Variants in GPC5 observed in about 807,000 individuals in gnomAD.
GPC5 encodes glypican 5.
GPC5 carries 47 observed loss-of-function variants against 53.9 expected under a neutral mutation model. The ratio of observed to expected loss-of-function variants is 0.87; its 90% CI spans 0.69 to 1.11. The LOEUF is 1.11. GPC5 is among the 50% of genes most tolerant of loss of function. GPC5 has a pLI of 0.00. For synonymous variants in GPC5, 286 were observed against 263.3 expected, an observed-to-expected ratio of 1.09 and a Z score of -0.84; for missense variants, 748 against 713.1, an observed-to-expected ratio of 1.05 and a Z score of -0.56.
intron 7 of GPC5, among the ~76,000 whole-genome samples, chr13:92,408,629 GACAC>G (rs35366487): frequency 4.7e-4 from 70 of 148,050 alleles, no homozygotes; most frequent in East Asian, 1.9e-3. Flanking sequence ...TATATATATA[GACAC>G]ACACACACAC....
rs151211061 is a variant in GPC5 at position 91,469,058 on chromosome 13, G to A, written c.325+20136G>A. The stretch of plus-strand genomic sequence containing the variant: ...ATGCCTGGCCAATTTTCTTTGTCTC[G>A]TCTTGTCTCTTGTCTCTTCTCTCTT... On this transcript the variant is annotated intron_variant, in intron 2 of 7. Coordinates refer to ENST00000377067, the MANE Select transcript of GPC5 (RefSeq NM_004466.6). Among the ~76,000 whole-genome samples the A allele has an allele frequency of 4.9e-3, 745 of 151,088 alleles. 3 individuals carry two copies. Among genetic ancestry groups the A allele is most frequent in the African/African-American group, 0.017 (702 of 41,220 alleles).
rs72644051 is a variant in GPC5 at position 91,792,767 on chromosome 13, G to A, written c.1280+36347G>A. 5.3e-3 allele frequency among the ~76,000 whole-genome samples: 806 copies of A among 152,208 alleles called. 3 individuals carry two copies. Among genetic ancestry groups the A allele is most frequent in the Middle Eastern group, 0.031 (9 of 294 alleles). ...AGTTTTTCTGCATTTCTTTGGCTTCGAATGAATTCTTCGATCAAAAGCAAT... is the reference window on the plus strand; with the variant it reads ...AGTTTTTCTGCATTTCTTTGGCTTCAAATGAATTCTTCGATCAAAAGCAAT... On this transcript the variant is annotated intron_variant, in intron 5 of 7. Coordinates refer to ENST00000377067, the MANE Select transcript of GPC5 (RefSeq NM_004466.6).
At chr13:92,630,722 TAGGAA>T (rs971008227) in intron 7 of GPC5, among the ~76,000 whole-genome samples, 3 of 152,158 alleles carry the variant, frequency 2.0e-5, no homozygotes, top group Non-Finnish European at 2.9e-5. Flanking sequence ...ATTCCATTAT[TAGGAA>T]TAATTTGAAT....
chr13:91,955,550 T>C (rs141526262), intron 6 of GPC5, among the ~76,000 whole-genome samples: 17 of 152,288 alleles, frequency 1.1e-4, no homozygotes, highest in Admixed American at 1.1e-3. Flanking sequence ...CTGGGATTTG[T>C]TGGGAGCCCA....
intron 1 of GPC5, among the ~76,000 whole-genome samples, chr13:91,412,699 A>G (rs1877899540): frequency 6.6e-6 from 1 of 152,228 alleles, no homozygotes; most frequent in Non-Finnish European, 1.5e-5. Flanking sequence ...CAAATATCTA[A>G]TGTTCCTGTG....
chr13:92,115,525 A>G (rs2041593391), intron 6 of GPC5, among the ~76,000 whole-genome samples: 3 of 151,956 alleles, frequency 2.0e-5, no homozygotes, highest in Non-Finnish European at 4.4e-5. Flanking sequence ...ACACCCTCAA[A>G]TTTTCCCTCA....
At chr13:91,584,771 G>C (rs1019554728) in intron 2 of GPC5, among the ~76,000 whole-genome samples, 4 of 151,916 alleles carry the variant, frequency 2.6e-5, no homozygotes, top group African/African-American at 4.8e-5. Flanking sequence ...GTAGAGACAG[G>C]GTTTCACAAT....
At chr13:91,465,568 A>G (rs1882183593) in intron 2 of GPC5, among the ~76,000 whole-genome samples, 1 of 152,134 alleles carries the variant, frequency 6.6e-6, no homozygotes, top group African/African-American at 2.4e-5. Flanking sequence ...TTCTCTGTAG[A>G]CTATAATATA....
At chr13:91,717,204 T>C (rs1470792424) in intron 3 of GPC5, among the ~76,000 whole-genome samples, 3 of 152,234 alleles carry the variant, frequency 2.0e-5, no homozygotes, top group African/African-American at 7.2e-5. Context: ...CCGGAGACTG[T>C]AACACAATTT....
chr13:92,047,821 A>AG (rs1211225837), intron 6 of GPC5, among the ~76,000 whole-genome samples: 9 of 150,302 alleles, frequency 6.0e-5, no homozygotes, highest in Admixed American at 2.7e-4. Flanking sequence ...AAAAAAAAAA[A>AG]AAAAAAGAAA....
intron 7 of GPC5, chr13:92,180,635 C>T: frequency 6.4e-6 from 1 of 155,774 alleles, no homozygotes; most frequent in Non-Finnish European, 1.4e-5. Flanking sequence ...AGAAAAAAAG[C>T]AGCCGTATGG....
intron 2 of GPC5, among the ~76,000 whole-genome samples, chr13:91,642,553 G>C: frequency 6.6e-6 from 1 of 152,032 alleles, no homozygotes; most frequent in Non-Finnish European, 1.5e-5. Flanking sequence ...ACCACAGAAA[G>C]GTCTATAAAG....
At chr13:92,110,589 A>C (rs954080255) in intron 6 of GPC5, among the ~76,000 whole-genome samples, 1 of 152,138 alleles carries the variant, frequency 6.6e-6, no homozygotes, top group Non-Finnish European at 1.5e-5. Flanking sequence ...GAAAATTGGT[A>C]CTTGCCATTT....
intron 2 of GPC5, among the ~76,000 whole-genome samples, chr13:91,613,202 C>T (rs2033605380): frequency 6.6e-6 from 1 of 152,116 alleles, no homozygotes. Context: ...TAAACACATC[C>T]CGGCAATTTA....
intron 2 of GPC5, among the ~76,000 whole-genome samples, chr13:91,599,679 C>T (rs1358619325): frequency 3.3e-5 from 5 of 152,148 alleles, no homozygotes; most frequent in East Asian, 3.8e-4. Flanking sequence ...GAAAATCCAT[C>T]TCATTAATTC....
intron 6 of GPC5, among the ~76,000 whole-genome samples, chr13:92,137,435 C>T (rs1566451321): frequency 6.6e-6 from 1 of 152,112 alleles, no homozygotes; most frequent in Non-Finnish European, 1.5e-5. Flanking sequence ...AATGTTACTC[C>T]CATATGGGTT....
chr13:91,852,118 CA>C (rs2038920961), intron 5 of GPC5, among the ~76,000 whole-genome samples: 1 of 152,036 alleles, frequency 6.6e-6, no homozygotes, highest in African/African-American at 2.4e-5. Flanking sequence ...GTCCCACCAA[CA>C]GTTAAAAAAT....
chr13:91,520,030 T>C (rs1452007644), intron 2 of GPC5, among the ~76,000 whole-genome samples: 3 of 152,130 alleles, frequency 2.0e-5, no homozygotes, highest in Admixed American at 2.0e-4. Context: ...GAAGGATATG[T>C]TGACTTACTG....
chr13:92,201,345 C>T (rs558121318), intron 7 of GPC5, among the ~76,000 whole-genome samples: 13 of 152,056 alleles, frequency 8.5e-5, no homozygotes, highest in Non-Finnish European at 1.5e-4. Context: ...TGCTGTTGGC[C>T]GAGGAGCAGC....
Sources: allele counts gnomAD v4.1 joint callset (sites outside exome capture counted in the v4.1 genomes callset), GRCh38; gene constraint gnomAD v4.1.1; transcripts MANE v1.5; gene names NCBI Gene and HGNC (gene_info 2026-07-23, HGNC 2026-07-21).